ABCA10: variants seen among roughly 807,000 people sequenced by gnomAD.
The protein encoded by ABCA10 is ATP binding cassette subfamily A member 10, also known as ATP-binding cassette sub-family A member 10.
Under a neutral mutation model 187.5 loss-of-function variants are expected in ABCA10, and 169 were observed. The ratio of observed to expected loss-of-function variants is 0.90; its 90% CI spans 0.80 to 1.02. ABCA10 has a LOEUF of 1.02. Among genes scored for constraint, ABCA10 ranks in the 50% least tolerant of loss-of-function variants. The pLI, the probability that ABCA10 is intolerant of heterozygous loss-of-function variation, is 0.00. For synonymous variants in ABCA10, 574 were observed against 601.8 expected, an observed-to-expected ratio of 0.95 and a Z score of 0.68; for missense variants, 1,727 against 1,812.4, an observed-to-expected ratio of 0.95 and a Z score of 0.86.
Position 69,196,432 on chromosome 17 carries a change from C to T in ABCA10, c.1234+632G>A, listed in dbSNP as rs182585094. On this transcript the variant is annotated intron_variant, in intron 11 of 38. Transcript: ENST00000690296. ...CAGATGATGGGCGGCGGGGCAGAGG[C>T]GCTCCCCACATCTCAGACGATGGGC... 377 of 181,840 alleles carry T rather than the reference C, an allele frequency of 2.1e-3. 3 individuals are homozygous for T. Among genetic ancestry groups the T allele is most frequent in the African/African-American group, 8.8e-3 (363 of 41,316 alleles). The allele number at this position is 181,840 out of a possible 1,614,324, so 11.3% of individuals were successfully genotyped here.
At chr17:69,243,350 TGATA>T (rs1226893811) in intron 1 of ABCA10, among the ~76,000 whole-genome samples, 1 of 152,260 alleles carries the variant, frequency 6.6e-6, no homozygotes, top group African/African-American at 2.4e-5. Context: ...CTAGGCTATA[TGATA>T]CAGCCTGTTG....
rs766720003 is a variant in ABCA10, at chr17:69,194,458, T to C, written c.1272A>G (p.Ala424=). The C allele has an allele frequency of 2.5e-6, 4 of 1,613,154 alleles. No individual in the cohort carries two copies. Among genetic ancestry groups the C allele is most frequent in the African/African-American group, 1.3e-5 (1 of 75,038 alleles). Residue 424 remains alanine, a synonymous_variant, in exon 12 of 39, where the codon GCA becomes GCG. Transcript: ENST00000690296. The stretch of plus-strand genomic sequence containing the variant: ...TACCAGCTCCATTATGCCCAAGTAT[T>C]GCAGTGATCTGTCCTTCATATATGT... ...FFDIYEGQIT[A]ILGHNGAGKS...
chr17:69,241,331 C>A (rs568957314), intron 1 of ABCA10, among the ~76,000 whole-genome samples: 123 of 152,322 alleles, frequency 8.1e-4, no homozygotes, highest in African/African-American at 2.9e-3. Flanking sequence ...AACTCACCAT[C>A]TCTTGCCTCA....
chr17:69,239,577 G>A (rs1416842806), intron 1 of ABCA10, among the ~76,000 whole-genome samples: 1 of 152,134 alleles, frequency 6.6e-6, no homozygotes, highest in Non-Finnish European at 1.5e-5. Context: ...CTAAAATTTG[G>A]TCAAGTCTCT....
chr17:69,223,006 T>C (rs374734753), intron 3 of ABCA10, among the ~76,000 whole-genome samples: 3 of 150,218 alleles, frequency 2.0e-5, no homozygotes, highest in African/African-American at 7.4e-5. Context: ...TATATGACCA[T>C]GTGCATATTT....
intron 22 of ABCA10, among the ~76,000 whole-genome samples, chr17:69,181,276 T>C (rs2074379303): frequency 1.3e-5 from 2 of 152,226 alleles, no homozygotes; most frequent in Non-Finnish European, 2.9e-5. Flanking sequence ...ATATCTCTGA[T>C]ATTCTTCATT....
At chr17:69,212,689 A>G (rs1245722965) in intron 9 of ABCA10, among the ~76,000 whole-genome samples, 2 of 152,132 alleles carry the variant, frequency 1.3e-5, no homozygotes, top group African/African-American at 4.8e-5. Context: ...TTCCTGTTGG[A>G]CTAGTCCTTT....
intron 18 of ABCA10, among the ~76,000 whole-genome samples, chr17:69,188,299 T>C (rs534147075): frequency 6.2e-4 from 95 of 152,138 alleles, no homozygotes; most frequent in African/African-American, 2.1e-3. Context: ...GTTCAAGACA[T>C]TGTGCTTTCA....
intron 18 of ABCA10, among the ~76,000 whole-genome samples, chr17:69,189,701 G>A (rs1472648442): frequency 6.6e-6 from 1 of 151,938 alleles, no homozygotes; most frequent in African/African-American, 2.4e-5. Flanking sequence ...TTTTTGTATA[G>A]GGTGAAAGGT....
intron 25 of ABCA10, among the ~76,000 whole-genome samples, chr17:69,170,437 C>CAAAAAA (rs71144658): frequency 9.1e-6 from 1 of 109,682 alleles, no homozygotes; most frequent in African/African-American, 3.4e-5. Context: ...TTTTACTCAT[C>CAAAAAA]AAAAAAAAAA....
At chr17:69,150,644 G>A (rs974704960) in intron 36 of ABCA10, among the ~76,000 whole-genome samples, 6 of 152,024 alleles carry the variant, frequency 3.9e-5, no homozygotes, top group African/African-American at 1.4e-4. Context: ...CCACACTTAC[G>A]ATTTTCCTTC....
Position 69,193,897 on chromosome 17 carries a change from G to GA in ABCA10, c.1437dup (p.Gln480SerfsTer3), listed in dbSNP as rs1284159775. On this transcript the variant is annotated frameshift_variant, in exon 13 of 39. Transcript: ENST00000690296. LOFTEE classifies it high-confidence loss of function. Reference sequence around the variant, plus strand: ...TCTCTCACAGTGAGGAAGTCAAATTGAAAATTGAACTGTGGACAAAATCCA... The same window carrying GA: ...TCTCTCACAGTGAGGAAGTCAAATTGAAAAATTGAACTGTGGACAAAATCCA... 6.2e-7 allele frequency: 1 copy of GA among 1,613,182 alleles called. No homozygotes were observed. Among genetic ancestry groups the GA allele is most frequent in the Non-Finnish European group, 8.5e-7 (1 of 1,179,522 alleles).
At chr17:69,161,919 C>G (rs1282801795) in intron 27 of ABCA10, among the ~76,000 whole-genome samples, 1 of 152,122 alleles carries the variant, frequency 6.6e-6, no homozygotes, top group Non-Finnish European at 1.5e-5. Flanking sequence ...TAAGAAGGAA[C>G]AAGACAATGT....
chr17:69,157,855 G>A (rs982064479), intron 27 of ABCA10, among the ~76,000 whole-genome samples: 2 of 151,706 alleles, frequency 1.3e-5, no homozygotes, highest in East Asian at 3.9e-4. Flanking sequence ...AAATGTGAAA[G>A]GGAAATATAA....
Position 69,193,480 on chromosome 17 carries a change from T to C in ABCA10, c.1641+13A>G, listed in dbSNP as rs778575016. On this transcript the variant is annotated intron_variant, in intron 14 of 38. Coordinates refer to ENST00000690296, the MANE Select transcript of ABCA10 (RefSeq NM_001377321.1). ...AATCTAAATTAATTGTAAAAATATA[T>C]TTTTTCTCTCACCTGAGGATCTCCT... The C allele has an allele frequency of 6.2e-7, 1 of 1,602,414 alleles. No individual in the cohort carries two copies. Among genetic ancestry groups the C allele is most frequent in the Non-Finnish European group, 8.5e-7 (1 of 1,176,462 alleles).
chr17:69,162,840 T>TATACATATACATATATATATACATATAC (rs67276822), intron 27 of ABCA10, among the ~76,000 whole-genome samples: 2 of 138,730 alleles, frequency 1.4e-5, no homozygotes, highest in Admixed American at 7.4e-5. Flanking sequence ...TACATATACA[T>TATACATATACATATATATATACATATAC]ATATATATAT....
At chr17:69,211,305 CATATATATGATATATATATAT>C (rs202207451) in intron 9 of ABCA10, among the ~76,000 whole-genome samples, 9 of 9,748 alleles carry the variant, frequency 9.2e-4, no homozygotes, top group South Asian at 6.0e-3. Flanking sequence ...ATATATACAT[CATATATATGATATATATATAT>C]ATATATATAT....
At chr17:69,238,326 T>C (rs1404081767) in intron 1 of ABCA10, among the ~76,000 whole-genome samples, 1 of 152,102 alleles carries the variant, frequency 6.6e-6, no homozygotes, top group East Asian at 1.9e-4. Flanking sequence ...TTTAAGCCAC[T>C]CAATTTGTGG....
At chr17:69,193,716 C>G (rs1388069528) in intron 13 of ABCA10, 98 bp downstream of exon 13, 2 of 1,554,516 alleles carry the variant, frequency 1.3e-6, no homozygotes, top group African/African-American at 2.8e-5. Flanking sequence ...GTTGATTAAG[C>G]TTTACCTATC....
Sources: gnomAD v4.1 joint callset for allele counts (sites outside exome capture counted in the v4.1 genomes callset) on GRCh38, gnomAD v4.1.1 for gene constraint, MANE v1.5 for transcripts, NCBI Gene and HGNC (gene_info 2026-07-23, HGNC 2026-07-21) for gene names.